MAP3K20: variants seen among roughly 807,000 people sequenced by gnomAD.
The protein encoded by MAP3K20 is mitogen-activated protein kinase kinase kinase 20, also known as HCCS-4.
Under a neutral mutation model 85.7 loss-of-function variants are expected in MAP3K20, and 40 were observed. The ratio of observed to expected loss-of-function variants is 0.47; its 90% CI spans 0.36 to 0.61. The LOEUF (loss-of-function observed/expected upper bound fraction) is 0.61. Among genes scored for constraint, MAP3K20 ranks in the 20% least tolerant of loss-of-function variants. MAP3K20 has a pLI of 0.00. For synonymous variants in MAP3K20, 325 were observed against 327.7 expected (o/e 0.99, Z 0.09); for missense variants, 817 against 961.7 (o/e 0.85, Z 1.99).
chr2:173,197,479 T>C (rs1690886954), intron 7 of MAP3K20, among the ~76,000 whole-genome samples: 1 of 152,200 alleles, frequency 6.6e-6, no homozygotes, highest in Admixed American at 6.6e-5. Context: ...GCGGGAGATT[T>C]CTCCAAAATC....
At chr2:173,240,618 A>G (rs186413882) in intron 16 of MAP3K20, among the ~76,000 whole-genome samples, 4 of 152,342 alleles carry the variant, frequency 2.6e-5, no homozygotes, top group Non-Finnish European at 5.9e-5. Context: ...ATGCAAATCA[A>G]AACCACAATG....
intron 9 of MAP3K20, among the ~76,000 whole-genome samples, chr2:173,205,573 G>T (rs77019822): frequency 1.3e-5 from 2 of 152,084 alleles, no homozygotes; most frequent in Non-Finnish European, 2.9e-5. Context: ...TTCACTCCAC[G>T]TGCTCCTTCT....
chr2:173,095,175 A>C lies in MAP3K20; in HGVS notation c.159+3985A>C, dbSNP rs115470661. Among the ~76,000 whole-genome samples the C allele has an allele frequency of 7.3e-3, 1,116 of 152,282 alleles. 7 individuals carry two copies. The highest frequency in any genetic ancestry group is 0.01 in the Non-Finnish European group (714 of 68,018). ...TCATTTTCATGCTTAAACTATCCCA[A>C]ATTTAGCAAGTAAGAGCTCTTTCCA... On this transcript the variant is annotated intron_variant, in intron 2 of 19. Coordinates refer to ENST00000375213, the MANE Select transcript of MAP3K20 (RefSeq NM_016653.3).
chr2:173,128,443 G>A (rs544067809), intron 2 of MAP3K20, among the ~76,000 whole-genome samples: 11 of 151,336 alleles, frequency 7.3e-5, no homozygotes, highest in East Asian at 2.0e-4. Context: ...AGTGATTCTC[G>A]TGCCTCAGCC....
At chr2:173,107,860 G>A (rs556189544) in intron 2 of MAP3K20, among the ~76,000 whole-genome samples, 36 of 152,266 alleles carry the variant, frequency 2.4e-4, no homozygotes, top group African/African-American at 8.7e-4. Context: ...TACCTGTGGC[G>A]GTTAGGGCTA....
Position 173,134,407 on chromosome 2 carries a change from TATATATATATATATATATATA to T in MAP3K20, c.160-35397_160-35377del, listed in dbSNP as rs1433027208. Among the ~76,000 whole-genome samples the T allele has an allele frequency of 3.8e-4, 4 of 10,462 alleles. 1 individual carries two copies. Among genetic ancestry groups the T allele is most frequent in the Non-Finnish European group, 9.4e-4 (4 of 4,256 alleles). The allele number at this position is 10,462 out of a possible 152,430, so 6.9% of individuals were successfully genotyped here. On this transcript the variant is annotated intron_variant, in intron 2 of 19. Transcript: ENST00000375213. ...GTGTCTCTATACATATATATATATA[TATATATATATATATATATATA>T]TTTTTTTTTTTTTTTTTTTGCAGAG...
At chr2:173,139,134 T>C (rs1360124917) in intron 2 of MAP3K20, among the ~76,000 whole-genome samples, 1 of 152,224 alleles carries the variant, frequency 6.6e-6, no homozygotes. Context: ...TCCTTGCAAA[T>C]GATGAAGCAA....
intron 11 of MAP3K20, among the ~76,000 whole-genome samples, chr2:173,217,743 A>G (rs928456690): frequency 1.3e-5 from 2 of 152,144 alleles, no homozygotes; most frequent in African/African-American, 4.8e-5. Flanking sequence ...AATATTTCGT[A>G]CTCAATTTAG....
intron 11 of MAP3K20, among the ~76,000 whole-genome samples, chr2:173,228,406 G>A (rs754943870): frequency 1.1e-4 from 16 of 152,108 alleles, no homozygotes; most frequent in Middle Eastern, 3.4e-3. Flanking sequence ...CCCAGCTCAA[G>A]CCGTGCTGCC....
At chr2:173,171,122 TATAA>T (rs552639906) in intron 3 of MAP3K20, among the ~76,000 whole-genome samples, 3 of 152,208 alleles carry the variant, frequency 2.0e-5, no homozygotes, top group Non-Finnish European at 4.4e-5. Flanking sequence ...CTATATTTCT[TATAA>T]ATGTGAATAC....
chr2:173,202,498 C>G (rs1013957063), intron 8 of MAP3K20, among the ~76,000 whole-genome samples: 7 of 152,192 alleles, frequency 4.6e-5, no homozygotes, highest in African/African-American at 1.7e-4. Context: ...TTCTCAACTC[C>G]ATCACACCCA....
At chr2:173,223,310 G>A in intron 11 of MAP3K20, 1 of 928,928 alleles carries the variant, frequency 1.1e-6, no homozygotes, top group Non-Finnish European at 1.3e-6. Flanking sequence ...TTATCTTTGT[G>A]CGTCTGTTTG....
intron 11 of MAP3K20, among the ~76,000 whole-genome samples, chr2:173,217,631 C>G (rs974083057): frequency 2.6e-5 from 4 of 152,186 alleles, no homozygotes; most frequent in Admixed American, 2.6e-4. Context: ...AACTGTAACT[C>G]CAGCAGCTCA....
intron 2 of MAP3K20, among the ~76,000 whole-genome samples, chr2:173,105,719 A>C (rs1318142380): frequency 6.6e-6 from 1 of 152,196 alleles, no homozygotes; most frequent in Non-Finnish European, 1.5e-5. Context: ...CAATATTCAG[A>C]GACAAAAAGT....
intron 2 of MAP3K20, among the ~76,000 whole-genome samples, chr2:173,127,727 A>G (rs1329422956): frequency 1.7e-5 from 2 of 117,986 alleles, no homozygotes; most frequent in South Asian, 2.3e-4. Context: ...AATTTATCCT[A>G]TGTTAGGACA....
Position 173,182,887 on chromosome 2 carries a change from T to C in MAP3K20, c.281T>C (p.Ile94Thr). Residue 94 changes from isoleucine to threonine, a missense_variant, in exon 4 of 20, where the codon ATT becomes ACT. Around this residue, in one of 4 missense-constraint regions of MAP3K20, gnomAD observed 200 missense variants for 302.7 expected, o/e 0.66. Coordinates refer to ENST00000375213, the MANE Select transcript of MAP3K20 (RefSeq NM_016653.3). ...TCTCTGGGATCACTCTATGATTACA[T>C]TAACAGTAACAGAAGTGAGGAGATG... ...YASLGSLYDY[I>T]NSNRSEEMDM... 2 of 1,609,596 alleles carry C rather than the reference T, an allele frequency of 1.2e-6. No homozygotes were observed. Among genetic ancestry groups the C allele is most frequent in the Non-Finnish European group, 1.7e-6 (2 of 1,178,214 alleles).
chr2:173,179,024 A>T (rs972847850), intron 3 of MAP3K20, among the ~76,000 whole-genome samples: 1 of 152,208 alleles, frequency 6.6e-6, no homozygotes, highest in Non-Finnish European at 1.5e-5. Flanking sequence ...TAAACAATAA[A>T]ATCATAGAAG....
In MAP3K20 at chr2:173,240,896, G is replaced by C. The variant is rs149964347; in HGVS notation, c.1359+1400G>C. ...GCCCATCAACAGATGAATAGATAAA[G>C]AAAACATGGTACATATACACAATGG... On this transcript the variant is annotated intron_variant, in intron 16 of 19. Coordinates refer to ENST00000375213, the MANE Select transcript of MAP3K20 (RefSeq NM_016653.3). Among the ~76,000 whole-genome samples the C allele has an allele frequency of 3.4e-3, 515 of 152,294 alleles. 1 individual carries two copies. The highest frequency in any genetic ancestry group is 0.012 in the African/African-American group (494 of 41,560).
chr2:173,158,346 G>C (rs931851796), intron 2 of MAP3K20, among the ~76,000 whole-genome samples: 4 of 152,132 alleles, frequency 2.6e-5, no homozygotes, highest in African/African-American at 9.7e-5. Flanking sequence ...AGGGAGAAAG[G>C]GGGAGGAGAA....
Sources: allele counts gnomAD v4.1 joint callset (sites outside exome capture counted in the v4.1 genomes callset), GRCh38; gene constraint gnomAD v4.1.1; regional missense constraint gnomAD v4.1.1; transcripts MANE v1.5; gene names NCBI Gene and HGNC (gene_info 2026-07-23, HGNC 2026-07-21).